PMFBP1: variants seen among roughly 807,000 people sequenced by gnomAD.
PMFBP1 encodes the protein polyamine modulated factor 1 binding protein 1.
PMFBP1 carries 131 observed loss-of-function variants against 137.8 expected under a neutral mutation model. The ratio of observed to expected loss-of-function variants is 0.95; its 90% CI spans 0.82 to 1.10. The LOEUF (loss-of-function observed/expected upper bound fraction) is 1.10. PMFBP1 is among the 50% of genes least tolerant of loss of function. The pLI is 0.00. For synonymous variants in PMFBP1, 490 were observed against 450.4 expected, an observed-to-expected ratio of 1.09 and a Z score of -1.11; for missense variants, 1,199 against 1,175.4, an observed-to-expected ratio of 1.02 and a Z score of -0.29.
intron 5 of PMFBP1, among the ~76,000 whole-genome samples, chr16:72,144,623 C>T (rs963892840): frequency 1.3e-5 from 2 of 151,656 alleles, no homozygotes; most frequent in South Asian, 2.1e-4. Context: ...TCCAGATGGA[C>T]TAAAGATAAA....
chr16:72,136,847 G>A, intron 7 of PMFBP1, 28 bp from the exon 8 acceptor site: 2 of 1,613,542 alleles, frequency 1.2e-6, no homozygotes, highest in Non-Finnish European at 1.7e-6. Flanking sequence ...AGGGCAGGAT[G>A]AGGAGATGAG....
chr16:72,248,049 C>T, the PMFBP1 span, among the ~76,000 whole-genome samples: 38 of 152,290 alleles, frequency 2.5e-4, no homozygotes, highest in South Asian at 6.2e-4. Flanking sequence ...ATTTGTAACA[C>T]ATGGTCTTAT....
At chr16:72,150,581 G>T (rs755421883) in intron 5 of PMFBP1, 27 bp downstream of exon 5, 3 of 1,606,488 alleles carry the variant, frequency 1.9e-6, no homozygotes, top group Non-Finnish European at 1.7e-6. Flanking sequence ...CACTTGCCTG[G>T]ATTGAATGGC....
At chr16:72,220,298 T>G in the PMFBP1 span, among the ~76,000 whole-genome samples, 1 of 152,062 alleles carries the variant, frequency 6.6e-6, no homozygotes, top group Non-Finnish European at 1.5e-5. Flanking sequence ...TACAGTGGAG[T>G]GGTTTAGTAA....
chr16:72,175,072 C>A (rs2144542152), upstream of PMFBP1, among the ~76,000 whole-genome samples: 1 of 152,280 alleles, frequency 6.6e-6, no homozygotes, highest in East Asian at 1.9e-4. Context: ...TTAGACTTGT[C>A]CTATCAGCAT....
chr16:72,119,478 A>G lies in PMFBP1; in HGVS notation c.3008-124T>C, dbSNP rs999424147. 7.6e-6 allele frequency: 12 copies of G among 1,580,786 alleles called. No individual in the cohort carries two copies. In the African/African-American group the frequency reaches 1.6e-4, roughly 21 times the overall value. ...GGTGACTTCTTGCCTCTGGGGTAAC[A>G]TGGAGTTTACAGGTGGCAGGAAAGG... On this transcript the variant is annotated intron_variant, in intron 20 of 20. Transcript: ENST00000237353.
At chr16:72,140,333 T>A (rs1253060507) in intron 6 of PMFBP1, 79 bp downstream of exon 6, 6 of 1,386,152 alleles carry the variant, frequency 4.3e-6, no homozygotes, top group Non-Finnish European at 6.0e-6. Context: ...TTAATTTAGG[T>A]GACTCTTTTC....
chr16:72,209,222 A>G, the PMFBP1 span, among the ~76,000 whole-genome samples: 369 of 152,350 alleles, frequency 2.4e-3, 1 homozygote, highest in Non-Finnish European at 4.0e-3. Flanking sequence ...GCATGCCTGT[A>G]TCTCTACTCC....
the PMFBP1 span, among the ~76,000 whole-genome samples, chr16:72,218,805 C>T: frequency 3.3e-5 from 5 of 152,184 alleles, no homozygotes; most frequent in East Asian, 9.7e-4. Context: ...GTGTTGAAAC[C>T]ACAGTGGTAA....
At chr16:72,124,686 A>G (rs555279035) in intron 17 of PMFBP1, 81 bp downstream of exon 17, 1 of 1,521,698 alleles carries the variant, frequency 6.6e-7, no homozygotes, top group East Asian at 2.3e-5. Flanking sequence ...ACCCCCACCA[A>G]GGGCTGTCTG....
At chr16:72,182,477 C>T in the PMFBP1 span, among the ~76,000 whole-genome samples, 2 of 113,032 alleles carry the variant, frequency 1.8e-5, no homozygotes, top group South Asian at 3.0e-4. Context: ...GCCTGAGCAA[C>T]AGAGTGAAAC....
the PMFBP1 span, among the ~76,000 whole-genome samples, chr16:72,241,665 A>G: frequency 6.6e-6 from 1 of 152,204 alleles, no homozygotes; most frequent in Non-Finnish European, 1.5e-5. Flanking sequence ...GGCTGTTTTC[A>G]TCTACTAAGT....
chr16:72,126,170 T>A (rs1472193863), intron 14 of PMFBP1, 38 bp from the exon 15 acceptor site: 8 of 1,607,026 alleles, frequency 5.0e-6, no homozygotes, highest in Non-Finnish European at 6.8e-6. Flanking sequence ...GGGTGCCAGG[T>A]CAGGGTCATA....
chr16:72,141,583 C>T (rs1372225771), intron 5 of PMFBP1, among the ~76,000 whole-genome samples: 1 of 152,116 alleles, frequency 6.6e-6, no homozygotes, highest in East Asian at 1.9e-4. Flanking sequence ...TTTTTTTACT[C>T]AGCAAGATGA....
At position 72,126,088 on chromosome 16, in the gene PMFBP1, C is replaced by T; in HGVS notation, c.2133G>A (p.Leu711=). The T allele has an allele frequency of 6.2e-7, 1 of 1,614,196 alleles. No individual in the cohort carries two copies. Among genetic ancestry groups the T allele is most frequent in the Non-Finnish European group, 8.5e-7 (1 of 1,180,034 alleles). ...GCTTCTCCTTCTGCAGAGCTTTGTCCAGCTGGGCCTGCAGGCTCATTAAGG... is the reference window on the plus strand; with the variant it reads ...GCTTCTCCTTCTGCAGAGCTTTGTCTAGCTGGGCCTGCAGGCTCATTAAGG... ...KESLMSLQAQ[L]DKALQKEKHY... is the part of the protein sequence containing the mutation. Residue 711 remains leucine (L), a synonymous_variant, in exon 15 of 21, where the codon CTG becomes CTA. Transcript: ENST00000237353.
intron 6 of PMFBP1, among the ~76,000 whole-genome samples, chr16:72,140,120 C>T (rs1005891660): frequency 6.6e-6 from 1 of 152,200 alleles, no homozygotes; most frequent in Non-Finnish European, 1.5e-5. Flanking sequence ...TATTATTCCA[C>T]AGTAGGGATA....
chr16:72,128,900 C>A (rs751143408), intron 13 of PMFBP1, 106 bp from the exon 14 acceptor site: 7 of 1,529,864 alleles, frequency 4.6e-6, no homozygotes, highest in East Asian at 2.3e-5. Flanking sequence ...CTCCACCCTG[C>A]GGGAGCTCAG....
At chr16:72,144,018 G>A (rs2042764570) in intron 5 of PMFBP1, among the ~76,000 whole-genome samples, 2 of 151,778 alleles carry the variant, frequency 1.3e-5, no homozygotes, top group Admixed American at 6.6e-5. Flanking sequence ...TCCAGCCTGG[G>A]CAACAAGAGC....
In PMFBP1 at chr16:72,129,009, G is replaced by A. The variant is rs2042505697; in HGVS notation, c.1950+57C>T. 17 of 1,575,764 alleles carry A rather than the reference G, an allele frequency of 1.1e-5. No homozygotes were observed. In the Admixed American group the frequency reaches 1.3e-4, roughly 12 times the overall value. On this transcript the variant is annotated intron_variant, in intron 13 of 20. Coordinates refer to ENST00000237353, the MANE Select transcript of PMFBP1 (RefSeq NM_031293.3). ...CCTCCGCATCCCTGGAGGCCCAGGT[G>A]GGGTCATGTCCCGCTCTGGATTCCT...
Sources: allele counts gnomAD v4.1 joint callset (sites outside exome capture counted in the v4.1 genomes callset), GRCh38; gene constraint gnomAD v4.1.1; transcripts MANE v1.5; gene names NCBI Gene and HGNC (gene_info 2026-07-23, HGNC 2026-07-21).